Variants in CCDC144A observed in about 807,000 individuals in gnomAD.
CCDC144A encodes the protein coiled-coil domain containing 144A, also known as coiled-coil domain-containing protein 144A.
A neutral mutation model predicts 143.8 loss-of-function variants in CCDC144A; 41 were observed. The ratio of observed to expected loss-of-function variants is 0.29; its 90% CI spans 0.22 to 0.37. The LOEUF (loss-of-function observed/expected upper bound fraction) is 0.37, where lower values mean the gene tolerates loss of function less well. Among genes scored for constraint, CCDC144A ranks in the 10% least tolerant of loss-of-function variants. The probability of loss-of-function intolerance (pLI) is 1.00; values close to 1 mark genes in which losing one functional copy is unlikely to be tolerated. For missense variants in CCDC144A, 637 were observed against 1,488.8 expected, an observed-to-expected ratio of 0.43 and a Z score of 9.41; for synonymous variants, 242 against 517.9, an observed-to-expected ratio of 0.47 and a Z score of 7.23.
At chr17:16,695,474 C>T (rs1911345045) in intron 2 of CCDC144A, 1 of 151,734 alleles carries the variant, frequency 6.6e-6, no homozygotes, top group Non-Finnish European at 1.5e-5. Context: ...GTGCCAGGTG[C>T]CTGTACTTCC....
At chr17:16,750,085 C>G (rs1029434341) in intron 12 of CCDC144A, among the ~76,000 whole-genome samples, 2 of 152,026 alleles carry the variant, frequency 1.3e-5, no homozygotes, top group African/African-American at 4.8e-5. Flanking sequence ...GCATTTAGAC[C>G]ATTGTATTCA....
chr17:16,701,737 AT>A (rs1393419271), intron 2 of CCDC144A, among the ~76,000 whole-genome samples: 1 of 151,648 alleles, frequency 6.6e-6, no homozygotes, highest in Middle Eastern at 3.2e-3. Flanking sequence ...ATGGCATATG[AT>A]TTGACGTGCT....
At chr17:16,720,035 A>C (rs1169746597) in intron 6 of CCDC144A, among the ~76,000 whole-genome samples, 163 bp from the exon 7 acceptor site, 1 of 152,154 alleles carries the variant, frequency 6.6e-6, no homozygotes, top group Non-Finnish European at 1.5e-5. Context: ...CCATTGTAGA[A>C]AATTACTGCA....
At chr17:16,770,951 T>A (rs1597599683) in intron 15 of CCDC144A, among the ~76,000 whole-genome samples, 1 of 152,252 alleles carries the variant, frequency 6.6e-6, no homozygotes, top group Non-Finnish European at 1.5e-5. Flanking sequence ...CACAGAAATG[T>A]TATGGAAAGG....
At chr17:16,746,307 T>G in intron 12 of CCDC144A, 6 of 1,149,778 alleles carry the variant, frequency 5.2e-6, no homozygotes, top group Non-Finnish European at 6.1e-6. Flanking sequence ...TCTTTTCTTC[T>G]TTTTTCCTCT....
At chr17:16,710,083 T>C (rs1470410475) in intron 5 of CCDC144A, 2 of 188,504 alleles carry the variant, frequency 1.1e-5, no homozygotes, top group Non-Finnish European at 2.2e-5. Context: ...CAAACACCTG[T>C]AGTCTCAGCT....
At chr17:16,679,360 G>A in the CCDC144A span, among the ~76,000 whole-genome samples, 16 of 152,138 alleles carry the variant, frequency 1.1e-4, 1 homozygote, top group Admixed American at 7.2e-4. Flanking sequence ...GGTTTTAAAT[G>A]TAACAAATGA....
chr17:16,701,930 T>G (rs558999588), intron 2 of CCDC144A, among the ~76,000 whole-genome samples: 1 of 150,458 alleles, frequency 6.6e-6, no homozygotes, highest in African/African-American at 2.4e-5. Flanking sequence ...AATCACAAAG[T>G]CTTGCATACT....
intron 2 of CCDC144A, among the ~76,000 whole-genome samples, chr17:16,702,905 A>G (rs1449462601): frequency 2.0e-5 from 3 of 151,956 alleles, no homozygotes; most frequent in Admixed American, 1.3e-4. Context: ...ACTTGCCAAT[A>G]TGTTAGTTGT....
At chr17:16,733,488 T>C (rs1000212249) in intron 11 of CCDC144A, among the ~76,000 whole-genome samples, 14 of 145,638 alleles carry the variant, frequency 9.6e-5, no homozygotes, top group Admixed American at 3.5e-4. Context: ...TGGGTAACAG[T>C]GCGAGACTCC....
the CCDC144A span, chr17:16,667,098 A>C: frequency 6.7e-6 from 1 of 149,846 alleles, no homozygotes; most frequent in African/African-American, 2.6e-5. Flanking sequence ...GAGCGCGGGT[A>C]GCAGCCGGCG....
At chr17:16,759,112 T>A (rs1398590482) in intron 12 of CCDC144A, among the ~76,000 whole-genome samples, 1 of 152,144 alleles carries the variant, frequency 6.6e-6, no homozygotes, top group Non-Finnish European at 1.5e-5. Context: ...CTGGATTTGA[T>A]CTTATCTCAG....
intron 6 of CCDC144A, among the ~76,000 whole-genome samples, chr17:16,718,947 T>G (rs956074186): frequency 7.6e-6 from 1 of 131,732 alleles, no homozygotes; most frequent in Non-Finnish European, 1.6e-5. Context: ...TTCTCCTGTC[T>G]CAGCCTCCTG....
At chr17:16,697,775 G>A (rs1401796971) in intron 2 of CCDC144A, among the ~76,000 whole-genome samples, 2 of 151,996 alleles carry the variant, frequency 1.3e-5, no homozygotes, top group African/African-American at 4.8e-5. Context: ...TAAAATAAAC[G>A]TGTCATAGTG....
intron 8 of CCDC144A, among the ~76,000 whole-genome samples, chr17:16,721,890 T>G (rs1913110154): frequency 6.6e-6 from 1 of 152,228 alleles, no homozygotes; most frequent in Non-Finnish European, 1.5e-5. Flanking sequence ...ATCATGATTG[T>G]GAATAAAGAC....
At chr17:16,722,777 C>T (rs1157087475) in intron 8 of CCDC144A, among the ~76,000 whole-genome samples, 4 of 151,972 alleles carry the variant, frequency 2.6e-5, no homozygotes, top group African/African-American at 9.7e-5. Context: ...TATCAGACAG[C>T]GTGTAGCCTT....
At chr17:16,715,718 A>G (rs918399004) in intron 6 of CCDC144A, among the ~76,000 whole-genome samples, 40 of 152,338 alleles carry the variant, frequency 2.6e-4, no homozygotes, top group Middle Eastern at 3.4e-3. Context: ...GTATTCTGAC[A>G]GAGCAGCTGT....
intron 2 of CCDC144A, among the ~76,000 whole-genome samples, chr17:16,704,359 G>A (rs1911920860): frequency 6.6e-6 from 1 of 152,128 alleles, no homozygotes; most frequent in African/African-American, 2.4e-5. Context: ...GGAGGCTGAG[G>A]CAGGAGAATG....
intron 11 of CCDC144A, 139 bp downstream of exon 11, chr17:16,732,805 G>C: frequency 4.8e-6 from 3 of 625,358 alleles, no homozygotes; most frequent in Non-Finnish European, 7.7e-6. Flanking sequence ...ATTTGGGGGT[G>C]GTGATGGTGG....
Sources: gnomAD v4.1 joint callset for allele counts (sites outside exome capture counted in the v4.1 genomes callset) on GRCh38, gnomAD v4.1.1 for gene constraint, MANE v1.5 for transcripts, NCBI Gene and HGNC (gene_info 2026-07-23, HGNC 2026-07-21) for gene names.